Variants in LRP1 observed in about 807,000 individuals in gnomAD.
The protein encoded by LRP1 is LDL receptor related protein 1, also known as prolow-density lipoprotein receptor-related protein 1.
A neutral mutation model predicts 541.5 loss-of-function variants in LRP1; 51 were observed. The ratio of observed to expected loss-of-function variants is 0.09; its 90% CI spans 0.08 to 0.12. The LOEUF (loss-of-function observed/expected upper bound fraction) is 0.12. LRP1 is among the 10% of genes least tolerant of loss of function. The pLI is 1.00. For synonymous variants in LRP1, 2,219 were observed against 2,470.8 expected (o/e 0.90, Z 3.02); for missense variants, 3,878 against 6,376.2 (o/e 0.61, Z 13.34).
At chr12:57,195,424 G>A (rs369087498) in intron 52 of LRP1, 25 bp downstream of exon 52, 288 of 1,598,996 alleles carry the variant, frequency 1.8e-4, no homozygotes, top group Non-Finnish European at 2.3e-4. Context: ...CACGTGGAGC[G>A]GGTGGACAGC....
chr12:57,193,794 T>C (rs1289630587), intron 47 of LRP1, 105 bp from the exon 48 acceptor site: 4 of 1,602,022 alleles, frequency 2.5e-6, no homozygotes, highest in Non-Finnish European at 3.4e-6. Flanking sequence ...AGGCACTCTG[T>C]GACAGGCCAG....
At chr12:57,145,927 C>T (rs2035396844) in intron 6 of LRP1, among the ~76,000 whole-genome samples, 1 of 152,092 alleles carries the variant, frequency 6.6e-6, no homozygotes, top group Non-Finnish European at 1.5e-5. Flanking sequence ...CATGGGCCAT[C>T]GTTTCCCTCG....
intron 6 of LRP1, among the ~76,000 whole-genome samples, chr12:57,151,487 A>AGGATTT (rs2136671000): frequency 6.6e-6 from 1 of 152,222 alleles, no homozygotes; most frequent in East Asian, 1.9e-4. Context: ...TCCTGTCCTC[A>AGGATTT]GGATTTTCGG....
rs768317426 is a variant in LRP1 at position 57,195,347 on chromosome 12, C to T, written c.8385C>T (p.Asp2795=). Reference sequence around the variant, plus strand: ...GCGTCCCCGAGCGCTGGCTCTGTGACGGTGACAAAGACTGTGCTGATGGTG... The same window carrying T: ...GCGTCCCCGAGCGCTGGCTCTGTGATGGTGACAAAGACTGTGCTGATGGTG... The part of the protein sequence containing the change: ...HVCVPERWLC[D]GDKDCADGAD... The change falls in exon 52 of 89, where the codon GAC becomes GAT. Residue 2795 remains aspartate (D), a synonymous_variant. Coordinates refer to ENST00000243077, the MANE Select transcript of LRP1 (RefSeq NM_002332.3). 32 of 1,612,080 alleles carry T rather than the reference C, an allele frequency of 2.0e-5. No individual in the cohort carries two copies. The East Asian group carries it at 2.2e-4, about 11-fold the overall frequency.
chr12:57,203,616 A>G, intron 70 of LRP1, 95 bp downstream of exon 70: 1 of 1,359,938 alleles, frequency 7.4e-7, no homozygotes, highest in Non-Finnish European at 9.7e-7. Context: ...TTCTGTATTC[A>G]TTCTTCATGC....
At chr12:57,143,057 C>T (rs1326419984) in intron 3 of LRP1, among the ~76,000 whole-genome samples, 1 of 152,178 alleles carries the variant, frequency 6.6e-6, no homozygotes, top group Non-Finnish European at 1.5e-5. Flanking sequence ...CCTCTCCCCC[C>T]TCCTGTCTCA....
At chr12:57,176,899 C>T in intron 24 of LRP1, 142 bp from the exon 25 acceptor site, 1 of 670,104 alleles carries the variant, frequency 1.5e-6, no homozygotes, top group African/African-American at 1.8e-5. Context: ...CAATAGGAGT[C>T]CTACTCTTGA....
Position 57,208,825 on chromosome 12 carries a change from G to A in LRP1, c.12145+8G>A, listed in dbSNP as rs1212515119. The A allele has an allele frequency of 1.2e-6, 2 of 1,610,934 alleles. No individual in the cohort carries two copies. Among genetic ancestry groups the A allele is most frequent in the African/African-American group, 2.7e-5 (2 of 74,856 alleles). ...ACATTCAGTGGCCCACAGGTTTGTGGGGCAGGGTGCAGGAGGGACGGGCAT... is the reference window on the plus strand; with the variant it reads ...ACATTCAGTGGCCCACAGGTTTGTGAGGCAGGGTGCAGGAGGGACGGGCAT... On this transcript the variant is annotated splice_region_variant and intron_variant, in intron 78 of 88. Coordinates refer to ENST00000243077, the MANE Select transcript of LRP1 (RefSeq NM_002332.3).
chr12:57,142,319 G>A (rs192448548), intron 3 of LRP1, among the ~76,000 whole-genome samples: 80 of 152,352 alleles, frequency 5.3e-4, no homozygotes, highest in East Asian at 1.2e-3. Context: ...GGCCATGAGC[G>A]TAGCCCTAGG....
chr12:57,142,193 C>T (rs1399263006), intron 3 of LRP1, among the ~76,000 whole-genome samples: 1 of 152,268 alleles, frequency 6.6e-6, no homozygotes, highest in African/African-American at 2.4e-5. Flanking sequence ...ACAGCGTGAG[C>T]ATTTAAGAGT....
At chr12:57,181,401 C>A (rs760726289) in intron 34 of LRP1, 110 bp downstream of exon 34, 7 of 1,345,886 alleles carry the variant, frequency 5.2e-6, no homozygotes, top group Non-Finnish European at 7.0e-6. Context: ...CTACATTCGT[C>A]GTGTAGGGGA....
At chr12:57,161,986 C>T (rs371172543) in intron 13 of LRP1, among the ~76,000 whole-genome samples, 35 of 149,358 alleles carry the variant, frequency 2.3e-4, no homozygotes, top group East Asian at 4.0e-4. Context: ...TGTGTGTGCG[C>T]GCACGCATAT....
Position 57,161,060 on chromosome 12 carries a change from T to C in LRP1, c.2147T>C (p.Val716Ala). 6.2e-7 allele frequency: 1 copy of C among 1,613,668 alleles called. No individual in the cohort carries two copies. Among genetic ancestry groups the C allele is most frequent in the Non-Finnish European group, 8.5e-7 (1 of 1,179,996 alleles). Residue 716 changes from valine (V) to alanine (A), a missense_variant, in exon 13 of 89, where the codon GTG (valine) becomes GCG (alanine). By Grantham distance (64) the Val-to-Ala change is moderately conservative (BLOSUM62 0). Coordinates refer to ENST00000243077, the MANE Select transcript of LRP1 (RefSeq NM_002332.3). ...ATCCCGGCTGGGCGCCTCTACTGGGTGGATGCCTTCTACGACCGCATCGAG... is the reference window on the plus strand; with the variant it reads ...ATCCCGGCTGGGCGCCTCTACTGGGCGGATGCCTTCTACGACCGCATCGAG... ...LDIPAGRLYW[V>A]DAFYDRIETI... is the part of the protein sequence containing the mutation.
intron 6 of LRP1, among the ~76,000 whole-genome samples, chr12:57,153,490 T>C (rs960537225): frequency 2.6e-5 from 4 of 152,176 alleles, no homozygotes; most frequent in Non-Finnish European, 4.4e-5. Context: ...GATTCTTTCA[T>C]GGCCCTCCTC....
rs897081413 is a variant in LRP1, at chr12:57,133,057, G to A, written c.67+4026G>A. 2.6e-5 allele frequency among the ~76,000 whole-genome samples: 4 copies of A among 152,204 alleles called. No homozygotes were observed. In the East Asian group the frequency reaches 7.7e-4, roughly 29 times the overall value. On this transcript the variant is annotated intron_variant, in intron 1 of 88. Coordinates refer to ENST00000243077, the MANE Select transcript of LRP1 (RefSeq NM_002332.3). ...TTGATACCCTTTGTGGGCTAAGAGG[G>A]AGAAAGGAGGTATTTCAGAAGGAAG...
At position 57,158,562 on chromosome 12, in the gene LRP1, C is replaced by T; in HGVS notation, c.1722C>T (p.Tyr574=). The T allele has an allele frequency of 6.2e-7, 1 of 1,614,196 alleles. No homozygotes were observed. Among genetic ancestry groups the T allele is most frequent in the Non-Finnish European group, 8.5e-7 (1 of 1,180,024 alleles). The change falls in exon 11 of 89, where the codon TAC becomes TAT. Residue 574 remains tyrosine, a synonymous_variant. Coordinates refer to ENST00000243077, the MANE Select transcript of LRP1 (RefSeq NM_002332.3). This position sits in a 1 kb window ranked among gnomAD's most constrained non-coding sequence, Gnocchi z 5.3. ...TCCACGCTGAGACCGGCTTCATCTA[C>T]TTTGCCGACACCACCAGCTACCTCA... The part of the protein sequence containing the change: ...LDFHAETGFI[Y]FADTTSYLIG...
chr12:57,206,739 A>G lies in LRP1; in HGVS notation c.11857A>G (p.Asn3953Asp). ...RQIDRGVTHL[N>D]ISGLKMPRGI... is the part of the protein sequence containing the mutation. Reference sequence around the variant, plus strand: ...GATTGACCGGGGTGTCACCCACCTCAACGTGAGTGCCCAACCTGGCGTGGA... The same window carrying G: ...GATTGACCGGGGTGTCACCCACCTCGACGTGAGTGCCCAACCTGGCGTGGA... The change falls in exon 76 of 89, where the codon AAC becomes GAC. Residue 3953 changes from asparagine to aspartate, a missense_variant and splice_region_variant. By Grantham distance (23) the Asn-to-Asp change is conservative. Around this residue, in one of 13 missense-constraint regions of LRP1, gnomAD observed 871 missense variants for 1,212.4 expected, o/e 0.72. Transcript: ENST00000243077. This position sits in a 1 kb window ranked among gnomAD's most constrained non-coding sequence, Gnocchi z 4.7. 1 of 1,610,988 alleles carries G rather than the reference A, an allele frequency of 6.2e-7. No homozygotes were observed. Among genetic ancestry groups the G allele is most frequent in the Non-Finnish European group, 8.5e-7 (1 of 1,179,762 alleles).
Position 57,201,737 on chromosome 12 carries a change from C to T in LRP1, c.10469-43C>T, listed in dbSNP as rs767105603. ...CTCTCCCCACCCTCCCGGCACACTC[C>T]TGGAAGGAGTCTCATCCTCACCCCA... is the stretch of plus-strand genomic sequence containing the variant. On this transcript the variant is annotated intron_variant, in intron 66 of 88. Coordinates refer to ENST00000243077, the MANE Select transcript of LRP1 (RefSeq NM_002332.3). The surrounding 1 kb of genome is among the most constrained non-coding windows in gnomAD (Gnocchi z 6.4). 4 of 1,610,286 alleles carry T rather than the reference C, an allele frequency of 2.5e-6. No homozygotes were observed. The East Asian group carries it at 6.7e-5, about 27-fold the overall frequency.
At chr12:57,202,684 G>A (rs928358616) in intron 68 of LRP1, 147 bp downstream of exon 68, 2 of 636,642 alleles carry the variant, frequency 3.1e-6, no homozygotes, top group Non-Finnish European at 5.7e-6. Context: ...CCCACTCCAT[G>A]TCGTGTATTT....
Sources: gnomAD v4.1 joint callset for allele counts (sites outside exome capture counted in the v4.1 genomes callset) on GRCh38, gnomAD v4.1.1 for gene constraint, gnomAD v4.1.1 regional missense constraint, Gnocchi (gnomAD v3.1) non-coding constraint, MANE v1.5 for transcripts, NCBI Gene and HGNC (gene_info 2026-07-23, HGNC 2026-07-21) for gene names.